AHRR: variants seen among roughly 807,000 people sequenced by gnomAD.
AHRR encodes aryl hydrocarbon receptor repressor.
A neutral mutation model predicts 44.0 loss-of-function variants in AHRR; 28 were observed. The ratio of observed to expected loss-of-function variants is 0.64; its 90% CI spans 0.47 to 0.87. The LOEUF is 0.87. Ranked by LOEUF, AHRR falls within the 40% of genes least tolerant of loss-of-function variation. The pLI is 0.00. For missense variants in AHRR, 990 were observed against 953.9 expected, an observed-to-expected ratio of 1.04 and a Z score of -0.50; for synonymous variants, 434 against 407.0, an observed-to-expected ratio of 1.07 and a Z score of -0.80.
At chr5:331,111 G>A (rs1741896905) in intron 1 of AHRR, among the ~76,000 whole-genome samples, 4 of 152,034 alleles carry the variant, frequency 2.6e-5, no homozygotes, top group South Asian at 4.2e-4. Context: ...TCTTGACCAC[G>A]TGATCCACCC....
chr5:376,557 A>AAACACAGGAAAGAT, intron 3 of AHRR, 53 bp from the exon 4 acceptor site: 2 of 1,423,176 alleles, frequency 1.4e-6, no homozygotes, highest in Non-Finnish European at 1.9e-6. Flanking sequence ...AATGAAGAAG[A>AAACACAGGAAAGAT]GTGGCCAGGC....
chr5:423,901 C>G lies in AHRR; in HGVS notation c.632C>G (p.Thr211Ser), dbSNP rs768426197. 3 of 1,604,498 alleles carry G rather than the reference C, an allele frequency of 1.9e-6. No homozygotes were observed. The African/African-American group carries it at 4.0e-5, about 21-fold the overall frequency. ...CAGGAGTGGGGCACAGGCACGCCCACCGAGTACTCGGCCTTCCTGACCCGC... is the reference window on the plus strand; with the variant it reads ...CAGGAGTGGGGCACAGGCACGCCCAGCGAGTACTCGGCCTTCCTGACCCGC... ...RAQEWGTGTP[T>S]EYSAFLTRCF... Residue 211 changes from threonine to serine, a missense_variant, in exon 7 of 11, where the codon ACC (threonine) becomes AGC (serine). By Grantham distance (58) the Thr-to-Ser change is moderately conservative. Transcript: ENST00000684583.
chr5:401,820 G>A (rs1735025396), intron 4 of AHRR, among the ~76,000 whole-genome samples: 1 of 152,230 alleles, frequency 6.6e-6, no homozygotes, highest in South Asian at 2.1e-4. Context: ...CAGCAGCCAT[G>A]TTCCCAACCA....
At chr5:328,866 C>A (rs1315001114) in intron 1 of AHRR, among the ~76,000 whole-genome samples, 2 of 152,126 alleles carry the variant, frequency 1.3e-5, no homozygotes, top group East Asian at 1.9e-4. Flanking sequence ...TTTATTATTT[C>A]TTTTGCTGTG....
chr5:421,001 T>A (rs1392748551), intron 5 of AHRR: 1 of 421,478 alleles, frequency 2.4e-6, no homozygotes, highest in South Asian at 2.8e-5. Flanking sequence ...TGGTTCTTCT[T>A]ATGGTTCAGG....
At chr5:398,393 G>A (rs1228459178) in intron 4 of AHRR, among the ~76,000 whole-genome samples, 1 of 135,152 alleles carries the variant, frequency 7.4e-6, no homozygotes, top group East Asian at 2.0e-4. Flanking sequence ...TGTCTGGTTA[G>A]CCCCTGACTG....
At chr5:403,073 G>A (rs1471600422) in intron 4 of AHRR, among the ~76,000 whole-genome samples, 1 of 152,184 alleles carries the variant, frequency 6.6e-6, no homozygotes, top group South Asian at 2.1e-4. Flanking sequence ...AAATGGACAC[G>A]CACTGTGGCT....
At chr5:421,479 C>G in intron 5 of AHRR, 1 of 489,684 alleles carries the variant, frequency 2.0e-6, no homozygotes, top group Admixed American at 3.9e-5. Flanking sequence ...TGGGGTCCCG[C>G]GGGGTGTTTT....
At chr5:371,232 C>T (rs554597646) in intron 3 of AHRR, among the ~76,000 whole-genome samples, 24 of 152,194 alleles carry the variant, frequency 1.6e-4, no homozygotes, top group Non-Finnish European at 3.1e-4. Flanking sequence ...CTGGCTTCAC[C>T]GAGCCCACGG....
chr5:433,703 G>C, intron 10 of AHRR, 150 bp from the exon 11 acceptor site: 1 of 941,954 alleles, frequency 1.1e-6, no homozygotes, highest in Non-Finnish European at 1.4e-6. Context: ...GGGGGGGTTA[G>C]AAGGCACAGC....
intron 1 of AHRR, among the ~76,000 whole-genome samples, chr5:330,663 C>T (rs897412007): frequency 5.9e-5 from 9 of 151,788 alleles, no homozygotes; most frequent in African/African-American, 9.7e-5. Context: ...AGCCACTGTG[C>T]GCCGCGGAGG....
intron 1 of AHRR, among the ~76,000 whole-genome samples, chr5:332,309 C>A (rs1741950806): frequency 1.3e-5 from 2 of 148,854 alleles, no homozygotes; most frequent in African/African-American, 5.0e-5. Flanking sequence ...ACTCTGTTGC[C>A]CAGGCTGGAG....
In AHRR at chr5:387,112, ACAGGTTCACGT is replaced by A. The variant is rs1490151212; in HGVS notation, c.351+10400_351+10410del. Among the ~76,000 whole-genome samples, 3 of 152,220 alleles carry A rather than the reference ACAGGTTCACGT, an allele frequency of 2.0e-5. No homozygotes were observed. Among genetic ancestry groups the A allele is most frequent in the Non-Finnish European group, 4.4e-5 (3 of 68,050 alleles). On this transcript the variant is annotated intron_variant, in intron 4 of 10. Coordinates refer to ENST00000684583, the MANE Select transcript of AHRR (RefSeq NM_001377236.1). This position sits in a 1 kb window ranked among gnomAD's most constrained non-coding sequence, Gnocchi z 5.1. ...ACAGGCAGTCCTTGGGGCCTTGGGC[ACAGGTTCACGT>A]CAGTGCAGCTCAAAGTGCTTTACGC...
Position 434,863 on chromosome 5 carries a change from T to G in AHRR, c.*29T>G. On this transcript the variant is annotated 3_prime_UTR_variant, in exon 11 of 11. Coordinates refer to ENST00000684583, the MANE Select transcript of AHRR (RefSeq NM_001377236.1). ...AGTGACCACCATCCAAGCTCAGATC[T>G]GTGTGTCTACGCTCAGATGCGTCGG... 9.2e-6 allele frequency: 14 copies of G among 1,523,056 alleles called. No homozygotes were observed. Among genetic ancestry groups the G allele is most frequent in the Non-Finnish European group, 1.2e-5 (14 of 1,129,634 alleles). 94.3% of individuals were successfully genotyped at this position (1,523,056 alleles called of 1,614,324 possible). A position where few individuals can be genotyped will look rare whatever the true frequency, so the allele number is the denominator to read the frequency against.
Position 370,272 on chromosome 5 carries a change from C to T in AHRR, c.245-6338C>T, listed in dbSNP as rs73046961. Among the ~76,000 whole-genome samples, 5,647 of 152,012 alleles carry T rather than the reference C, an allele frequency of 0.037. 304 individuals are homozygous for T. Among genetic ancestry groups the T allele is most frequent in the African/African-American group, 0.12 (4,985 of 41,342 alleles). On this transcript the variant is annotated intron_variant, in intron 3 of 10. Transcript: ENST00000684583. The surrounding 1 kb of genome is among the most constrained non-coding windows in gnomAD (Gnocchi z 4.5). ...CTGGTGCCCCGACCTCCTGGGCCCTCGCTGGAAGCTCTGCTCATTTACTCC... is the reference window on the plus strand; with the variant it reads ...CTGGTGCCCCGACCTCCTGGGCCCTTGCTGGAAGCTCTGCTCATTTACTCC...
intron 2 of AHRR, among the ~76,000 whole-genome samples, chr5:347,830 G>C (rs1742728979): frequency 1.3e-5 from 2 of 152,232 alleles, no homozygotes; most frequent in Non-Finnish European, 2.9e-5. Context: ...TGCCCATCCT[G>C]CACCCTCTCC....
chr5:437,952 T>C lies in AHRR; in HGVS notation c.*3118T>C, dbSNP rs542065892. On this transcript the variant is annotated 3_prime_UTR_variant, in exon 11 of 11. Transcript: ENST00000684583. ...TGTATCACTTCTCTCTAAAATGTCA[T>C]TGTTAGCACTAATTACAGGTTCATG... 12 of 152,506 alleles carry C rather than the reference T, an allele frequency of 7.9e-5. No homozygotes were observed. Among genetic ancestry groups the C allele is most frequent in the African/African-American group, 2.6e-4 (11 of 41,578 alleles). The allele number at this position is 152,506 out of a possible 1,614,324, so 9.4% of individuals were successfully genotyped here. A position where few individuals can be genotyped will look rare whatever the true frequency, so the allele number is the denominator to read the frequency against.
chr5:424,079 C>T, intron 7 of AHRR, 102 bp downstream of exon 7: 2 of 1,491,966 alleles, frequency 1.3e-6, no homozygotes, highest in Middle Eastern at 1.9e-4. Flanking sequence ...GGCGTTAAAC[C>T]ACATGTCCCT....
At chr5:324,785 G>A (rs556220004) in intron 1 of AHRR, among the ~76,000 whole-genome samples, 12 of 152,110 alleles carry the variant, frequency 7.9e-5, no homozygotes, top group Non-Finnish European at 1.0e-4. Context: ...GTGAAACTCC[G>A]TCTCAAAAAA....
Sources: gnomAD v4.1 joint callset for allele counts (sites outside exome capture counted in the v4.1 genomes callset) on GRCh38, gnomAD v4.1.1 for gene constraint, Gnocchi (gnomAD v3.1) non-coding constraint, MANE v1.5 for transcripts, NCBI Gene and HGNC (gene_info 2026-07-23, HGNC 2026-07-21) for gene names.